MAP4: variants seen among roughly 807,000 people sequenced by gnomAD.
MAP4 encodes the protein microtubule-associated protein 4.
A neutral mutation model predicts 170.2 loss-of-function variants in MAP4; 76 were observed. The observed-to-expected ratio is 0.45, with a 90% CI of 0.37 to 0.54. The LOEUF (loss-of-function observed/expected upper bound fraction) is 0.54. MAP4 is among the 20% of genes least tolerant of loss of function. MAP4 has a pLI of 0.00. For synonymous variants in MAP4, 909 were observed against 994.5 expected (o/e 0.91, Z 1.62); for missense variants, 2,506 against 2,748.0 (o/e 0.91, Z 1.97).
chr3:47,877,268 C>T (rs1234061437), intron 11 of MAP4, 149 bp downstream of exon 11: 1 of 628,704 alleles, frequency 1.6e-6, no homozygotes. Context: ...AATGAGAATA[C>T]AAGATATTTT....
chr3:47,869,436 C>CA, intron 15 of MAP4, 109 bp from the exon 16 acceptor site: 1 of 726,564 alleles, frequency 1.4e-6, no homozygotes, highest in Non-Finnish European at 2.4e-6. Context: ...GGCCACCAGG[C>CA]AAAAGCAGGT....
At chr3:48,074,509 CTTTTT>C (rs1167906300) in intron 1 of MAP4, among the ~76,000 whole-genome samples, 1 of 112,552 alleles carries the variant, frequency 8.9e-6, no homozygotes, top group African/African-American at 4.2e-5. Flanking sequence ...TATACACACA[CTTTTT>C]TTTTTTTTTT....
Position 47,912,179 on chromosome 3 carries a change from G to C in MAP4, c.2242C>G (p.Leu748Val), listed in dbSNP as rs954941519. The C allele has an allele frequency of 2.6e-6, 4 of 1,536,040 alleles. No individual in the cohort carries two copies. The highest frequency in any genetic ancestry group is 3.3e-4 in the Middle Eastern group (2 of 6,012). ...NQRKSIHVDSLEPQRDLGREA... is the reference protein window; with the variant it reads ...NQRKSIHVDSVEPQRDLGREA... ...CTGCCAAGATCCCTCTGGGGTTCAA[G>C]TGAGTCAACATGAATACTTTTTCTT... is the stretch of plus-strand genomic sequence containing the variant. The change falls in exon 9 of 21, where the codon CTT becomes GTT. Residue 748 changes from leucine to valine, a missense_variant. Coordinates refer to ENST00000683076, the MANE Select transcript of MAP4 (RefSeq NM_001385682.1).
At chr3:48,087,349 A>ACTATTCACTCTATTAGAGTGAATAG (rs1559928941) in intron 1 of MAP4, among the ~76,000 whole-genome samples, 3 of 152,156 alleles carry the variant, frequency 2.0e-5, no homozygotes, top group Non-Finnish European at 4.4e-5. Flanking sequence ...AGAGCATGAC[A>ACTATTCACTCTATTAGAGTGAATAG]ACTGTTCACT....
intron 10 of MAP4, among the ~76,000 whole-genome samples, chr3:47,895,315 T>TAA (rs1369391842): frequency 6.6e-6 from 1 of 152,226 alleles, no homozygotes; most frequent in Non-Finnish European, 1.5e-5. Flanking sequence ...TCTTCCTCTA[T>TAA]AAAAGGAGGG....
chr3:48,065,181 A>G (rs939248680), intron 1 of MAP4, among the ~76,000 whole-genome samples: 26 of 152,278 alleles, frequency 1.7e-4, no homozygotes, highest in African/African-American at 5.3e-4. Flanking sequence ...TGCACAATGG[A>G]ATGATCTTCA....
At chr3:48,025,936 TAAC>T (rs1553727343) in intron 1 of MAP4, among the ~76,000 whole-genome samples, 6 of 147,530 alleles carry the variant, frequency 4.1e-5, no homozygotes, top group African/African-American at 4.9e-5. Context: ...ATAATAATAA[TAAC>T]AATAATAATA....
intron 1 of MAP4, among the ~76,000 whole-genome samples, chr3:48,023,959 G>C (rs1174683384): frequency 6.6e-6 from 1 of 152,170 alleles, no homozygotes; most frequent in Non-Finnish European, 1.5e-5. Flanking sequence ...TAAATTCAGA[G>C]TAACCAAAGA....
chr3:47,902,978 G>C lies in MAP4; in HGVS notation c.5406C>G (p.Val1802=), dbSNP rs1463312822. The change falls in exon 10 of 21, where the codon GTC becomes GTG. Residue 1802 remains valine, a synonymous_variant. Transcript: ENST00000683076. ...KSAVCLSSST[V]YQQLGMSVYG... ...AAACTGACATTCCCAGCTGCTGGTA[G>C]ACAGTTGATGAGCTCAAGCAAACTG... 1 of 985,204 alleles carries C rather than the reference G, an allele frequency of 1.0e-6. No homozygotes were observed. The highest frequency in any genetic ancestry group is 1.1e-4 in the East Asian group (1 of 8,818). The allele number at this position is 985,204 out of a possible 1,614,324, so 61.0% of individuals were successfully genotyped here.
intron 10 of MAP4, among the ~76,000 whole-genome samples, chr3:47,898,339 T>C (rs756316882): frequency 6.6e-6 from 1 of 151,112 alleles, no homozygotes; most frequent in Non-Finnish European, 1.5e-5. Context: ...CTGTCTCTAG[T>C]GAAAATACAA....
chr3:48,019,763 GCTCT>G (rs1456459189), upstream of MAP4, among the ~76,000 whole-genome samples: 1 of 152,152 alleles, frequency 6.6e-6, no homozygotes, highest in African/African-American at 2.4e-5. Context: ...TGTGGTCCCA[GCTCT>G]TGGGAGGCTG....
rs769150757 is a variant in MAP4, at chr3:47,916,336, T to C, written c.1491A>G (p.Val497=). The C allele has an allele frequency of 6.8e-6, 11 of 1,614,142 alleles. No individual in the cohort carries two copies. The East Asian group carries it at 1.6e-4, about 23-fold the overall frequency. The change falls in exon 7 of 21, where the codon GTA becomes GTG. Residue 497 remains valine, a synonymous_variant. Transcript: ENST00000683076. ...TGTCCTTCAACAAGCCCACTTCTTTTACTGTGGACGGAGCCACATCCTTGG... is the reference window on the plus strand; with the variant it reads ...TGTCCTTCAACAAGCCCACTTCTTTCACTGTGGACGGAGCCACATCCTTGG... The part of the protein sequence containing the change: ...APAKDVAPST[V]KEVGLLKDMS...
chr3:48,052,577 A>T (rs1487227328), intron 1 of MAP4, among the ~76,000 whole-genome samples: 1 of 152,214 alleles, frequency 6.6e-6, no homozygotes, highest in African/African-American at 2.4e-5. Flanking sequence ...AACTGTGAAA[A>T]TACTGAAAAC....
chr3:47,936,003 A>G (rs1577934673), intron 3 of MAP4, among the ~76,000 whole-genome samples: 1 of 151,912 alleles, frequency 6.6e-6, no homozygotes, highest in East Asian at 1.9e-4. Flanking sequence ...ATATAAGAAT[A>G]TAAAATTAAG....
chr3:47,958,882 C>T (rs1290522690), intron 3 of MAP4, among the ~76,000 whole-genome samples: 1 of 152,002 alleles, frequency 6.6e-6, no homozygotes, highest in East Asian at 1.9e-4. Flanking sequence ...CGGGGTTTCA[C>T]CATGTTGGCC....
intron 3 of MAP4, chr3:47,975,344 T>C (rs1000769717): frequency 1.5e-5 from 23 of 1,545,334 alleles, no homozygotes; most frequent in East Asian, 2.5e-5. Flanking sequence ...TTCTACATCA[T>C]GTCCAGGAAT....
At chr3:48,031,976 C>A (rs937086852) in intron 1 of MAP4, among the ~76,000 whole-genome samples, 15 of 152,100 alleles carry the variant, frequency 9.9e-5, no homozygotes, top group African/African-American at 3.6e-4. Flanking sequence ...AAGAGTGGCA[C>A]TTTACCTCTG....
At chr3:48,009,267 A>T (rs1484722293) in intron 1 of MAP4, among the ~76,000 whole-genome samples, 1 of 151,992 alleles carries the variant, frequency 6.6e-6, no homozygotes, top group Non-Finnish European at 1.5e-5. Context: ...CACCCAGCTA[A>T]TTTTTGTATT....
intron 1 of MAP4, among the ~76,000 whole-genome samples, chr3:48,033,276 A>G (rs764521099): frequency 1.3e-5 from 2 of 152,212 alleles, no homozygotes; most frequent in Non-Finnish European, 2.9e-5. Flanking sequence ...GTCCAGCTAT[A>G]TCTATGTATT....
Sources: gnomAD v4.1 joint callset for allele counts (sites outside exome capture counted in the v4.1 genomes callset) on GRCh38, gnomAD v4.1.1 for gene constraint, MANE v1.5 for transcripts, NCBI Gene and HGNC (gene_info 2026-07-23, HGNC 2026-07-21) for gene names.